Variants in TGM3 observed in about 807,000 individuals in gnomAD.
The protein encoded by TGM3 is transglutaminase 3.
Under a neutral mutation model 73.8 loss-of-function variants are expected in TGM3, and 52 were observed. The ratio of observed to expected loss-of-function variants is 0.70; its 90% CI spans 0.56 to 0.89. The LOEUF is 0.89. TGM3 is among the 40% of genes least tolerant of loss of function. The pLI is 0.00. For missense variants in TGM3, 928 were observed against 909.9 expected, an observed-to-expected ratio of 1.02 and a Z score of -0.26; for synonymous variants, 372 against 354.9, an observed-to-expected ratio of 1.05 and a Z score of -0.54.
At chr20:2,326,847 TAA>T (rs111733490) in intron 8 of TGM3, among the ~76,000 whole-genome samples, 2 of 145,928 alleles carry the variant, frequency 1.4e-5, no homozygotes, top group African/African-American at 2.5e-5. Flanking sequence ...AGACTCCGTC[TAA>T]AAAAAAAAAA....
In TGM3 at chr20:2,340,958, A is replaced by G. The variant is rs1568636370; in HGVS notation, c.*377A>G. 4.3e-6 allele frequency: 2 copies of G among 467,132 alleles called. No individual in the cohort carries two copies. Among genetic ancestry groups the G allele is most frequent in the Non-Finnish European group, 8.5e-6 (2 of 234,568 alleles). 28.9% of individuals were successfully genotyped at this position (467,132 alleles called of 1,614,324 possible). ...TGGTCTAGACTGTTTGCTGATCCCC[A>G]ACCTGCACGGGGCATTCCTGCTTCT... On this transcript the variant is annotated 3_prime_UTR_variant, in exon 13 of 13. Coordinates refer to ENST00000381458, the MANE Select transcript of TGM3 (RefSeq NM_003245.4).
chr20:2,306,951 A>G (rs943415414), intron 1 of TGM3, among the ~76,000 whole-genome samples: 4 of 152,122 alleles, frequency 2.6e-5, no homozygotes, highest in African/African-American at 9.7e-5. Flanking sequence ...AGTGTTTGCC[A>G]GTGTCTGAGT....
chr20:2,321,025 C>A (rs1378744210), intron 7 of TGM3, among the ~76,000 whole-genome samples: 1 of 152,168 alleles, frequency 6.6e-6, no homozygotes, highest in Non-Finnish European at 1.5e-5. Flanking sequence ...CTCAGCCAAG[C>A]CCCTGGCTCC....
chr20:2,309,188 G>A lies in TGM3; in HGVS notation c.8-469G>A, dbSNP rs1025139465. 1.4e-4 allele frequency among the ~76,000 whole-genome samples: 22 copies of A among 152,238 alleles called. 1 individual carries two copies. The highest frequency in any genetic ancestry group is 3.9e-4 in the Admixed American group (6 of 15,274). On this transcript the variant is annotated intron_variant, in intron 1 of 12. Transcript: ENST00000381458. Reference sequence around the variant, plus strand: ...GCCACCACACCCGGCGCCTCCCTTCGTTTCTGTTGGAGCCCCCATCCACAA... The same window carrying A: ...GCCACCACACCCGGCGCCTCCCTTCATTTCTGTTGGAGCCCCCATCCACAA...
Position 2,328,078 on chromosome 20 carries a change from G to T in TGM3, c.1088-42G>T. 1 of 1,612,798 alleles carries T rather than the reference G, an allele frequency of 6.2e-7. No individual in the cohort carries two copies. The highest frequency in any genetic ancestry group is 8.5e-7 in the Non-Finnish European group (1 of 1,179,078). ...TGGGGAATCGGGCACTGGGTAGGTT[G>T]TGGCCTTGGCATATATCCAGCCTCT... On this transcript the variant is annotated intron_variant, in intron 8 of 12. Transcript: ENST00000381458. The surrounding 1 kb of genome is among the most constrained non-coding windows in gnomAD (Gnocchi z 5.2).
chr20:2,297,689 C>T (rs1054353772), intron 1 of TGM3, among the ~76,000 whole-genome samples: 5 of 152,016 alleles, frequency 3.3e-5, no homozygotes, highest in African/African-American at 1.2e-4. Context: ...ACATTCAGTC[C>T]CTTAAATTTG....
chr20:2,318,063 A>C (rs554882033), intron 7 of TGM3, among the ~76,000 whole-genome samples: 1 of 151,990 alleles, frequency 6.6e-6, no homozygotes, highest in South Asian at 2.1e-4. Context: ...CTTGTTGCCC[A>C]GGCTGGAGTG....
intron 9 of TGM3, among the ~76,000 whole-genome samples, chr20:2,330,730 G>T (rs541986085): frequency 6.6e-6 from 1 of 152,290 alleles, no homozygotes; most frequent in Non-Finnish European, 1.5e-5. Context: ...TCTGGGCCAG[G>T]TGAAGTGGCT....
intron 1 of TGM3, among the ~76,000 whole-genome samples, chr20:2,304,944 A>G (rs2084169531): frequency 6.6e-6 from 1 of 152,176 alleles, no homozygotes; most frequent in Non-Finnish European, 1.5e-5. Flanking sequence ...AACAGCTCAC[A>G]GGACTCAGGA....
intron 12 of TGM3, 46 bp downstream of exon 12, chr20:2,340,033 CGG>C (rs368081322): frequency 6.6e-5 from 13 of 196,584 alleles, no homozygotes; most frequent in East Asian, 6.5e-4. Flanking sequence ...CGGGAGGGGG[CGG>C]GGGGGCCCTC....
rs141575267 is a variant in TGM3 at position 2,328,203 on chromosome 20, G to T, written c.1171G>T (p.Ala391Ser). 280 of 1,614,124 alleles carry T rather than the reference G, an allele frequency of 1.7e-4. No homozygotes were observed. Among genetic ancestry groups the T allele is most frequent in the Non-Finnish European group, 2.2e-4 (261 of 1,180,046 alleles). ...GAACTTCGACATGCCCTTTATCTTC[G>T]CGGAGGTTAATGCCGACCGCATCAC... is the stretch of plus-strand genomic sequence containing the variant. ...QLNFDMPFIF[A>S]EVNADRITWL... Residue 391 changes from alanine to serine, a missense_variant, in exon 9 of 13, where the codon GCG (alanine) becomes TCG (serine). By Grantham distance (99) the Ala-to-Ser change is moderately conservative (BLOSUM62 1). Coordinates refer to ENST00000381458, the MANE Select transcript of TGM3 (RefSeq NM_003245.4). The surrounding 1 kb of genome is among the most constrained non-coding windows in gnomAD (Gnocchi z 5.2).
Position 2,334,799 on chromosome 20 carries a change from T to TA in TGM3, c.1643-308dup, listed in dbSNP as rs959960331. Among the ~76,000 whole-genome samples, 67 of 151,712 alleles carry TA rather than the reference T, an allele frequency of 4.4e-4. No individual in the cohort carries two copies. Among genetic ancestry groups the TA allele is most frequent in the African/African-American group, 9.7e-4 (40 of 41,366 alleles). On this transcript the variant is annotated intron_variant, in intron 10 of 12. Coordinates refer to ENST00000381458, the MANE Select transcript of TGM3 (RefSeq NM_003245.4). This position sits in a 1 kb window ranked among gnomAD's most constrained non-coding sequence, Gnocchi z 4.0. ...TCTCTACAAATAATTTAAAAAATTT[T>TA]AAAAAAAAAGGACACTTGCCCTCCA...
intron 4 of TGM3, among the ~76,000 whole-genome samples, chr20:2,311,456 C>T (rs1245490367): frequency 6.6e-6 from 1 of 152,184 alleles, no homozygotes; most frequent in Non-Finnish European, 1.5e-5. Flanking sequence ...CCAAGAGACA[C>T]TGGGGACAGT....
chr20:2,307,356 C>A (rs560565868), intron 1 of TGM3, among the ~76,000 whole-genome samples: 8 of 152,064 alleles, frequency 5.3e-5, no homozygotes, highest in African/African-American at 1.9e-4. Context: ...CCCCAACCCC[C>A]ACTCTCTCCT....
chr20:2,332,384 T>A lies in TGM3; in HGVS notation c.1642+74T>A. 7.1e-7 allele frequency: 1 copy of A among 1,416,938 alleles called. No individual in the cohort carries two copies. Among genetic ancestry groups the A allele is most frequent in the Non-Finnish European group, 9.4e-7 (1 of 1,066,484 alleles). 87.8% of individuals were successfully genotyped at this position (1,416,938 alleles called of 1,614,324 possible). On this transcript the variant is annotated intron_variant, in intron 10 of 12. Transcript: ENST00000381458. The surrounding 1 kb of genome is among the most constrained non-coding windows in gnomAD (Gnocchi z 4.4). ...TGGCCTTCTGGGGCTGCAGGGTGTC[T>A]GCTGGGCTCCAGGTTAGTCAGCTAC...
At position 2,317,470 on chromosome 20, in the gene TGM3, G is replaced by A; in HGVS notation, c.968G>A (p.Gly323Asp). 6.2e-7 allele frequency: 1 copy of A among 1,614,222 alleles called. No homozygotes were observed. The highest frequency in any genetic ancestry group is 8.5e-7 in the Non-Finnish European group (1 of 1,180,046). The change falls in exon 7 of 13, where the codon GGT becomes GAT. Residue 323 changes from glycine to aspartate, a missense_variant. Gly to Asp is a moderately conservative substitution (Grantham distance 94). Transcript: ENST00000381458. ...YDPMGNPLDK[G>D]SDSVWNFHVW... is the part of the protein sequence containing the mutation. ...CCCATGGGAAACCCCCTGGACAAGG[G>A]TAGTGATAGCGTATGGTAAGTATCT...
rs2084298471 is a variant in TGM3, at chr20:2,328,018, C to T, written c.1088-102C>T. 1 of 1,533,918 alleles carries T rather than the reference C, an allele frequency of 6.5e-7. No homozygotes were observed. The highest frequency in any genetic ancestry group is 2.3e-5 in the East Asian group (1 of 44,240). On this transcript the variant is annotated intron_variant, in intron 8 of 12. Transcript: ENST00000381458. This position sits in a 1 kb window ranked among gnomAD's most constrained non-coding sequence, Gnocchi z 5.2. The stretch of plus-strand genomic sequence containing the variant: ...CAGGGGTGAAGGAATTTGGGCGGGG[C>T]AGAGGCAGGGGGTTGCAGTGGTCCT...
chr20:2,302,468 T>C (rs2084153576), intron 1 of TGM3, among the ~76,000 whole-genome samples: 1 of 152,144 alleles, frequency 6.6e-6, no homozygotes, highest in Admixed American at 6.5e-5. Context: ...CAGAAGCTTA[T>C]TTCTTCCTTA....
intron 1 of TGM3, among the ~76,000 whole-genome samples, chr20:2,304,360 C>G (rs7262933): frequency 0.016 from 2,390 of 152,310 alleles, 72 homozygotes; most frequent in African/African-American, 0.054. Context: ...TGAGCACGCT[C>G]TCAGCTGGCA....
Sources: allele counts gnomAD v4.1 joint callset (sites outside exome capture counted in the v4.1 genomes callset), GRCh38; gene constraint gnomAD v4.1.1; non-coding constraint Gnocchi (gnomAD v3.1); transcripts MANE v1.5; gene names NCBI Gene and HGNC (gene_info 2026-07-23, HGNC 2026-07-21).